Variants in FSTL5 observed in about 807,000 individuals in gnomAD.
The protein encoded by FSTL5 is follistatin like 5, also known as follistatin-related protein 5.
A neutral mutation model predicts 89.1 loss-of-function variants in FSTL5; 62 were observed. That is an observed-to-expected ratio of 0.70 (90% CI 0.57 to 0.86). FSTL5 has a LOEUF of 0.86. FSTL5 is among the 40% of genes least tolerant of loss of function. FSTL5 has a pLI of 0.00. For missense variants in FSTL5, 1,057 were observed against 1,001.6 expected (o/e 1.06, Z -0.75); for synonymous variants, 383 against 346.2 (o/e 1.11, Z -1.18).
chr4:161,840,857 A>C (rs1731187809), intron 4 of FSTL5, among the ~76,000 whole-genome samples: 1 of 152,190 alleles, frequency 6.6e-6, no homozygotes, highest in African/African-American at 2.4e-5. Context: ...GGTAGAGTTC[A>C]GTATGCAAGG....
intron 4 of FSTL5, among the ~76,000 whole-genome samples, chr4:161,840,102 G>A (rs1731166472): frequency 6.6e-6 from 1 of 152,140 alleles, no homozygotes; most frequent in Admixed American, 6.6e-5. Flanking sequence ...TTGTTCACCA[G>A]TGTTACCTGT....
intron 3 of FSTL5, among the ~76,000 whole-genome samples, chr4:161,973,464 A>G (rs1412024036): frequency 6.6e-6 from 1 of 152,186 alleles, no homozygotes; most frequent in East Asian, 1.9e-4. Context: ...GAAATCAACA[A>G]AACTGTGCTT....
At chr4:161,966,363 G>T (rs1735327242) in intron 3 of FSTL5, among the ~76,000 whole-genome samples, 1 of 151,936 alleles carries the variant, frequency 6.6e-6, no homozygotes, top group African/African-American at 2.4e-5. Flanking sequence ...AATTACTCAG[G>T]AAATCTTCTG....
In FSTL5 at chr4:161,987,395, G is replaced by T. The variant is rs147336107; in HGVS notation, c.160+46230C>A. 8.6e-3 allele frequency among the ~76,000 whole-genome samples: 1,288 copies of T among 149,932 alleles called. 23 individuals carry two copies. Among genetic ancestry groups the T allele is most frequent in the African/African-American group, 0.028 (1,137 of 41,032 alleles). On this transcript the variant is annotated intron_variant, in intron 3 of 15. Transcript: ENST00000306100. Reference sequence around the variant, plus strand: ...AAGATATTTTAGAATGGCGGGGAAGGAGAAAAAACTCTTCAACTACAACTA... The same window carrying T: ...AAGATATTTTAGAATGGCGGGGAAGTAGAAAAAACTCTTCAACTACAACTA...
intron 8 of FSTL5, among the ~76,000 whole-genome samples, chr4:161,569,333 A>G (rs1009533317): frequency 6.6e-6 from 1 of 152,186 alleles, no homozygotes; most frequent in Non-Finnish European, 1.5e-5. Flanking sequence ...TCTGGGCCCA[A>G]GGGTTACCTG....
At chr4:161,925,403 ATTACTTTC>A (rs1355927811) in intron 3 of FSTL5, among the ~76,000 whole-genome samples, 1 of 151,856 alleles carries the variant, frequency 6.6e-6, no homozygotes, top group East Asian at 1.9e-4. Context: ...GGTTTTTGCC[ATTACTTTC>A]AATAGGTTTT....
chr4:161,707,520 A>G (rs1342253717), intron 6 of FSTL5, among the ~76,000 whole-genome samples: 1 of 151,902 alleles, frequency 6.6e-6, no homozygotes, highest in African/African-American at 2.4e-5. Context: ...CGGAGGATGC[A>G]CTGCATATAA....
At chr4:161,830,914 T>C (rs1373094288) in intron 4 of FSTL5, among the ~76,000 whole-genome samples, 2 of 151,984 alleles carry the variant, frequency 1.3e-5, no homozygotes, top group Non-Finnish European at 1.5e-5. Context: ...GGATTCTGCA[T>C]TGTTATTTTA....
At chr4:161,839,654 A>C (rs2126870442) in intron 4 of FSTL5, among the ~76,000 whole-genome samples, 1 of 152,346 alleles carries the variant, frequency 6.6e-6, no homozygotes, top group African/African-American at 2.4e-5. Flanking sequence ...ATACAGAAAA[A>C]CATAATCTAT....
At chr4:161,770,753 T>G (rs962606222) in intron 5 of FSTL5, among the ~76,000 whole-genome samples, 1 of 151,900 alleles carries the variant, frequency 6.6e-6, no homozygotes, top group Non-Finnish European at 1.5e-5. Flanking sequence ...ATGTAATATT[T>G]ATTAGCATCT....
At chr4:162,144,103 G>T (rs558677493) in intron 1 of FSTL5, among the ~76,000 whole-genome samples, 1 of 152,246 alleles carries the variant, frequency 6.6e-6, no homozygotes, top group African/African-American at 2.4e-5. Context: ...ACACAGTGAA[G>T]AACAGGGACG....
chr4:161,690,225 A>G (rs1737881815), intron 6 of FSTL5, among the ~76,000 whole-genome samples: 1 of 152,164 alleles, frequency 6.6e-6, no homozygotes, highest in South Asian at 2.1e-4. Flanking sequence ...TTACTCTACC[A>G]ATAGCAGTAG....
intron 8 of FSTL5, among the ~76,000 whole-genome samples, chr4:161,579,038 G>C (rs1192356364): frequency 1.3e-5 from 2 of 152,012 alleles, no homozygotes; most frequent in Non-Finnish European, 2.9e-5. Context: ...AAATGAGGAG[G>C]ATCAGAAATG....
At chr4:161,613,872 GA>G (rs1007526627) in intron 7 of FSTL5, among the ~76,000 whole-genome samples, 206 of 152,142 alleles carry the variant, frequency 1.4e-3, no homozygotes, top group African/African-American at 4.7e-3. Flanking sequence ...TAAACACTTT[GA>G]AACAAACTAT....
intron 1 of FSTL5, among the ~76,000 whole-genome samples, chr4:162,146,678 CCCTTCCCTTCCCT>C (rs1733001005): frequency 1.2e-5 from 1 of 83,770 alleles, no homozygotes; most frequent in Non-Finnish European, 2.7e-5. Context: ...CCCTTCCCTT[CCCTTCCCTTCCCT>C]TCCCTTCCCT....
At chr4:161,780,135 T>A (rs1579087209) in intron 4 of FSTL5, among the ~76,000 whole-genome samples, 1 of 149,224 alleles carries the variant, frequency 6.7e-6, no homozygotes, top group East Asian at 2.0e-4. Context: ...TACATTGCAA[T>A]TGGTTGTATA....
chr4:162,099,960 T>C (rs1445103281), intron 2 of FSTL5, among the ~76,000 whole-genome samples: 1 of 152,158 alleles, frequency 6.6e-6, no homozygotes, highest in Admixed American at 6.5e-5. Context: ...CTCTCATTCA[T>C]TGCCAGTGGG....
chr4:161,503,316 T>TA (rs1163173465), intron 11 of FSTL5, among the ~76,000 whole-genome samples: 2 of 151,818 alleles, frequency 1.3e-5, no homozygotes, highest in Admixed American at 1.3e-4. Flanking sequence ...GGTGACATGA[T>TA]ATATAACCAG....
At chr4:161,702,811 C>T (rs922707285) in intron 6 of FSTL5, among the ~76,000 whole-genome samples, 2 of 152,174 alleles carry the variant, frequency 1.3e-5, no homozygotes, top group African/African-American at 2.4e-5. Flanking sequence ...GCTCCACTTC[C>T]CCTCTTCCCA....
Sources: gnomAD v4.1 joint callset for allele counts (sites outside exome capture counted in the v4.1 genomes callset) on GRCh38, gnomAD v4.1.1 for gene constraint, MANE v1.5 for transcripts, NCBI Gene and HGNC (gene_info 2026-07-23, HGNC 2026-07-21) for gene names.